LAGE3: variants seen among roughly 807,000 people sequenced by gnomAD.
The protein encoded by LAGE3 is L antigen family member 3.
In LAGE3, 2 loss-of-function variants were observed where a neutral mutation model predicts 4.4. That is an observed-to-expected ratio of 0.46 (90% CI 0.19 to 1.44). The LOEUF is 1.44. LAGE3 is among the 40% of genes most tolerant of loss of function. LAGE3 has a pLI of 0.26. For missense variants in LAGE3, 152 were observed against 138.1 expected (o/e 1.10, Z -0.51); for synonymous variants, 79 against 60.0 (o/e 1.32, Z -1.47).
At position 154,479,277 on chromosome X, in the gene LAGE3, G is replaced by A. The variant is rs1451365186; in HGVS notation, c.-362C>T. On this transcript the variant is annotated 5_prime_UTR_variant, in exon 1 of 3. Transcript: ENST00000357360. The stretch of plus-strand genomic sequence containing the variant: ...GTCGCCTATCCCAGAGGCGCACCCC[G>A]CGAGGCTCCGCCCCTAAGCGCGCCT... 5.8e-6 allele frequency: 1 copy of A among 171,017 alleles called. No individual in the cohort carries two copies. Among genetic ancestry groups the A allele is most frequent in the African/African-American group, 3.0e-5 (1 of 33,434 alleles). The allele number at this position is 171,017 out of a possible 1,213,427, so 14.1% of individuals were successfully genotyped here. A position where few individuals can be genotyped will look rare whatever the true frequency, so the allele number is the denominator to read the frequency against.
rs782761326 is a variant in LAGE3, at chrX:154,478,909, C to T, written c.7G>A (p.Asp3Asn). 1.5e-5 allele frequency: 14 copies of T among 960,432 alleles called. No homozygotes were observed. Among genetic ancestry groups the T allele is most frequent in the African/African-American group, 8.2e-5 (4 of 48,654 alleles). The allele number at this position is 960,432 out of a possible 1,213,427, so 79.2% of individuals were successfully genotyped here. A position where few individuals can be genotyped will look rare whatever the true frequency, so the allele number is the denominator to read the frequency against. Residue 3 changes from aspartate (D) to asparagine (N), a missense_variant, in exon 1 of 3, where the codon GAC becomes AAC. Physicochemically the swap from Asp to Asn is conservative, Grantham distance 23. Coordinates refer to ENST00000357360, the MANE Select transcript of LAGE3 (RefSeq NM_006014.5). MR[D>N]ADADAGGGAD... is the part of the protein sequence containing the mutation. ...CCTCCGCCTGCGTCTGCATCCGCGT[C>T]CCGCATGACCGCCGCCGCGCCGCTC...
chrX:154,478,097 C>A (rs2069249453), intron 2 of LAGE3, 39 bp from the exon 3 acceptor site: 3 of 1,137,323 alleles, frequency 2.6e-6, no homozygotes, highest in Non-Finnish European at 3.6e-6. Flanking sequence ...TTGGAGGTGG[C>A]AACTCCTGGT....
In LAGE3 at chrX:154,479,002, C is replaced by G. The variant is rs2069257363; in HGVS notation, c.-87G>C. 2.2e-6 allele frequency: 1 copy of G among 464,049 alleles called. No homozygotes were observed. The highest frequency in any genetic ancestry group is 2.5e-5 in the African/African-American group (1 of 39,713). 38.2% of individuals were successfully genotyped at this position (464,049 alleles called of 1,213,427 possible). ...TGTGGCTCCTTCCCGAAGCCCCGCC[C>G]CCTGCGCACGACTCCGCCCACACGC... On this transcript the variant is annotated 5_prime_UTR_variant, in exon 1 of 3. Coordinates refer to ENST00000357360, the MANE Select transcript of LAGE3 (RefSeq NM_006014.5).
chrX:154,478,001 G>C lies in LAGE3; in HGVS notation c.375C>G (p.Asp125Glu), dbSNP rs2069248483. Residue 125 changes from aspartate to glutamate, a missense_variant, in exon 3 of 3, where the codon GAC (aspartate) becomes GAG (glutamate). By Grantham distance (45) the Asp-to-Glu change is conservative. Coordinates refer to ENST00000357360, the MANE Select transcript of LAGE3 (RefSeq NM_006014.5). ...TGGTCCGCACCACCAGGGAAAGCTG[G>C]TCAAGAAAGTTGATGACGGAAATTC... ...LLRISVINFL[D>E]QLSLVVRTMQ... 1.6e-6 allele frequency: 2 copies of C among 1,212,309 alleles called. No homozygotes were observed. Among genetic ancestry groups the C allele is most frequent in the Admixed American group, 2.2e-5 (1 of 46,138 alleles).
chrX:154,478,449 C>G, intron 1 of LAGE3, 38 bp from the exon 2 acceptor site: 1 of 1,159,624 alleles, frequency 8.6e-7, no homozygotes, highest in Non-Finnish European at 1.1e-6. Flanking sequence ...CTGATACGAT[C>G]TTGCCTATGT....
Position 154,478,870 on chromosome X carries a change from C to A in LAGE3, c.46G>T (p.Asp16Tyr). ...CGGCAGCTGTGGCCACCCCGGCCAT[C>A]CCCGCCGTCAGCGCCTCCGCCTGCG... is the stretch of plus-strand genomic sequence containing the variant. The part of the protein sequence containing the change: ...ADAGGGADGG[D>Y]GRGGHSCRGG... Residue 16 changes from aspartate to tyrosine, a missense_variant, in exon 1 of 3, where the codon GAT (aspartate) becomes TAT (tyrosine). Coordinates refer to ENST00000357360, the MANE Select transcript of LAGE3 (RefSeq NM_006014.5). The A allele has an allele frequency of 9.9e-7, 1 of 1,014,430 alleles. No individual in the cohort carries two copies. The highest frequency in any genetic ancestry group is 1.2e-6 in the Non-Finnish European group (1 of 803,068). 83.6% of individuals were successfully genotyped at this position (1,014,430 alleles called of 1,213,427 possible).
Position 154,479,073 on chromosome X carries a change from C to T in LAGE3, c.-158G>A. 3.3e-6 allele frequency: 1 copy of T among 305,627 alleles called. No homozygotes were observed. Among genetic ancestry groups the T allele is most frequent in the Non-Finnish European group, 5.6e-6 (1 of 177,759 alleles). The allele number at this position is 305,627 out of a possible 1,213,427, so 25.2% of individuals were successfully genotyped here. A position where few individuals can be genotyped will look rare whatever the true frequency, so the allele number is the denominator to read the frequency against. On this transcript the variant is annotated 5_prime_UTR_variant, in exon 1 of 3. Transcript: ENST00000357360. The stretch of plus-strand genomic sequence containing the variant: ...AGCCTGACTGGCGCGTGGTCAGTTC[C>T]CGCCAAGCGGCCCTGCCGGGGGCCT...
Position 154,478,405 on chromosome X carries a change from G to A in LAGE3, c.195C>T (p.Leu65=). 1 of 1,191,365 alleles carries A rather than the reference G, an allele frequency of 8.4e-7. No individual in the cohort carries two copies. Among genetic ancestry groups the A allele is most frequent in the Non-Finnish European group, 1.1e-6 (1 of 885,634 alleles). Residue 65 remains leucine, a synonymous_variant, in exon 2 of 3, where the codon CTC becomes CTT. Coordinates refer to ENST00000357360, the MANE Select transcript of LAGE3 (RefSeq NM_006014.5). Reference sequence around the variant, plus strand: ...CCAAGGGGGTCGGGAAAGGCACGCTGAGGGTGCTGGGGGTCATTCGGTTAA... The same window carrying A: ...CCAAGGGGGTCGGGAAAGGCACGCTAAGGGTGCTGGGGGTCATTCGGTTAA... ...GSRMRPHIFT[L]SVPFPTPLEA...
At position 154,477,991 on chromosome X, in the gene LAGE3, G is replaced by A; in HGVS notation, c.385C>T (p.Leu129=). ...SVINFLDQLS[L]VVRTMQRFGP... ...AAGCGCTGCATGGTCCGCACCACCA[G>A]GGAAAGCTGGTCAAGAAAGTTGATG... Residue 129 remains leucine, a synonymous_variant, in exon 3 of 3, where the codon CTG becomes TTG. Transcript: ENST00000357360. The A allele has an allele frequency of 8.2e-7, 1 of 1,212,276 alleles. No homozygotes were observed. Among genetic ancestry groups the A allele is most frequent in the Non-Finnish European group, 1.1e-6 (1 of 895,510 alleles).
In LAGE3 at chrX:154,479,188, A is replaced by C. The variant is rs2069259038; in HGVS notation, c.-273T>G. 3.7e-6 allele frequency: 1 copy of C among 269,785 alleles called. No homozygotes were observed. Among genetic ancestry groups the C allele is most frequent in the South Asian group, 2.3e-4 (1 of 4,326 alleles). The allele number at this position is 269,785 out of a possible 1,213,427, so 22.2% of individuals were successfully genotyped here. A position where few individuals can be genotyped will look rare whatever the true frequency, so the allele number is the denominator to read the frequency against. Reference sequence around the variant, plus strand: ...AACTCGATTCCAGAGCGCTGGTGCAAACTGACCCACAGTCGGTCCGGCCCC... The same window carrying C: ...AACTCGATTCCAGAGCGCTGGTGCACACTGACCCACAGTCGGTCCGGCCCC... On this transcript the variant is annotated 5_prime_UTR_variant, in exon 1 of 3. Coordinates refer to ENST00000357360, the MANE Select transcript of LAGE3 (RefSeq NM_006014.5).
Position 154,479,039 on chromosome X carries a change from T to A in LAGE3, c.-124A>T. ...CTCCGCCCACACGCGCCTGCGCAGG[T>A]CCCTGGAGAGCCTGACTGGCGCGTG... On this transcript the variant is annotated 5_prime_UTR_variant, in exon 1 of 3. Coordinates refer to ENST00000357360, the MANE Select transcript of LAGE3 (RefSeq NM_006014.5). 2.9e-6 allele frequency: 1 copy of A among 342,996 alleles called. No individual in the cohort carries two copies. The highest frequency in any genetic ancestry group is 1.4e-4 in the South Asian group (1 of 7,067). 28.3% of individuals were successfully genotyped at this position (342,996 alleles called of 1,213,427 possible). A position where few individuals can be genotyped will look rare whatever the true frequency, so the allele number is the denominator to read the frequency against.
Position 154,478,290 on chromosome X carries a change from G to A in LAGE3, c.310C>T (p.Leu104=), listed in dbSNP as rs782513931. 3 of 1,211,038 alleles carry A rather than the reference G, an allele frequency of 2.5e-6. No homozygotes were observed. The highest frequency in any genetic ancestry group is 4.3e-5 in the Admixed American group (2 of 46,046). ...GTCCCTTTCAGAACTTACACGACCA[G>A]GATCCTGCCACTCACTGTGAGATCC... is the stretch of plus-strand genomic sequence containing the variant. ...GKDLTVSGRI[L]VVRWKAEDCR... is the part of the protein sequence containing the mutation. Residue 104 remains leucine, a synonymous_variant, in exon 2 of 3, where the codon CTG becomes TTG. Coordinates refer to ENST00000357360, the MANE Select transcript of LAGE3 (RefSeq NM_006014.5).
chrX:154,478,827 G>A lies in LAGE3; in HGVS notation c.89C>T (p.Ala30Val), dbSNP rs2069255326. The A allele has an allele frequency of 1.8e-6, 2 of 1,107,212 alleles. No individual in the cohort carries two copies. The highest frequency in any genetic ancestry group is 2.4e-6 in the Non-Finnish European group (2 of 851,047). 91.2% of individuals were successfully genotyped at this position (1,107,212 alleles called of 1,213,427 possible). A position where few individuals can be genotyped will look rare whatever the true frequency, so the allele number is the denominator to read the frequency against. The change falls in exon 1 of 3, where the codon GCC (alanine) becomes GTC (valine). Residue 30 changes from alanine to valine, a missense_variant. By Grantham distance (64) the Ala-to-Val change is moderately conservative. Transcript: ENST00000357360. ...GHSCRGGVDT[A>V]AAPAGGAPPA... Reference sequence around the variant, plus strand: ...GGGAGCTCCACCGGCCGGAGCTGCGGCTGTGTCCACGCCCCCGCGGCAGCT... The same window carrying A: ...GGGAGCTCCACCGGCCGGAGCTGCGACTGTGTCCACGCCCCCGCGGCAGCT...
chrX:154,478,484 G>A, intron 1 of LAGE3, 73 bp from the exon 2 acceptor site: 1 of 1,116,489 alleles, frequency 9.0e-7, no homozygotes, highest in South Asian at 2.1e-5. Context: ...CTCCTCTGAA[G>A]CCCCCTCTCA....
At chrX:154,478,452 G>T in intron 1 of LAGE3, 41 bp from the exon 2 acceptor site, 4 of 1,155,334 alleles carry the variant, frequency 3.5e-6, no homozygotes, top group Non-Finnish European at 4.6e-6. Context: ...ATACGATCTT[G>T]CCTATGTCTC....
rs781965466 is a variant in LAGE3, at chrX:154,478,754, C to T, written c.162G>A (p.Arg54=). 2.7e-6 allele frequency: 3 copies of T among 1,110,223 alleles called. No individual in the cohort carries two copies. The East Asian group carries it at 1.0e-4, about 38-fold the overall frequency. The allele number at this position is 1,110,223 out of a possible 1,213,427, so 91.5% of individuals were successfully genotyped here. A position where few individuals can be genotyped will look rare whatever the true frequency, so the allele number is the denominator to read the frequency against. The change falls in exon 1 of 3, where the codon AGG becomes AGA. Residue 54 remains arginine (R), a synonymous_variant. Transcript: ENST00000357360. ...GPGRDAASAA[R]GSRMRPHIFT... ...ATATGTGCGGCCGCATTCGTGACCC[C>T]CTGGCCGCAGACGCGGCGTCTCTGC...
chrX:154,478,889 G>A lies in LAGE3; in HGVS notation c.27C>T (p.Gly9=), dbSNP rs781818854. Residue 9 remains glycine (G), a synonymous_variant, in exon 1 of 3, where the codon GGC becomes GGT. Coordinates refer to ENST00000357360, the MANE Select transcript of LAGE3 (RefSeq NM_006014.5). The part of the protein sequence containing the change: MRDADADA[G]GGADGGDGRG... The stretch of plus-strand genomic sequence containing the variant: ...GGCCATCCCCGCCGTCAGCGCCTCC[G>A]CCTGCGTCTGCATCCGCGTCCCGCA... 508 of 998,533 alleles carry A rather than the reference G, an allele frequency of 5.1e-4. No homozygotes were observed. The highest frequency in any genetic ancestry group is 6.0e-4 in the Non-Finnish European group (477 of 791,916). The allele number at this position is 998,533 out of a possible 1,213,427, so 82.3% of individuals were successfully genotyped here.
Position 154,479,137 on chromosome X carries a change from T to C in LAGE3, c.-222A>G, listed in dbSNP as rs1194209095. The C allele has an allele frequency of 1.4e-5, 4 of 289,145 alleles. No homozygotes were observed. Among genetic ancestry groups the C allele is most frequent in the Non-Finnish European group, 2.4e-5 (4 of 165,019 alleles). The allele number at this position is 289,145 out of a possible 1,213,427, so 23.8% of individuals were successfully genotyped here. ...CAGCGGTTGAGAGGCTGCGGTTTCC[T>C]CCAGAAACTCTGCCCTTTCGCGCGT... is the stretch of plus-strand genomic sequence containing the variant. On this transcript the variant is annotated 5_prime_UTR_variant, in exon 1 of 3. Coordinates refer to ENST00000357360, the MANE Select transcript of LAGE3 (RefSeq NM_006014.5).
At chrX:154,478,262 C>G (rs782089267) in intron 2 of LAGE3, 21 bp downstream of exon 2, 1 of 1,209,595 alleles carries the variant, frequency 8.3e-7, no homozygotes, top group Non-Finnish European at 1.1e-6. Context: ...CTCCCCCAAC[C>G]CCGTCCCTTT....
Sources: gnomAD v4.1 joint callset for allele counts on GRCh38, gnomAD v4.1.1 for gene constraint, MANE v1.5 for transcripts, NCBI Gene and HGNC (gene_info 2026-07-23, HGNC 2026-07-21) for gene names.